Variants in SLC25A21 observed in about 807,000 individuals in gnomAD.
The protein encoded by SLC25A21 is mitochondrial 2-oxodicarboxylate carrier.
Under a neutral mutation model 43.8 loss-of-function variants are expected in SLC25A21, and 47 were observed. The observed-to-expected ratio is 1.07, with a 90% confidence interval of 0.85 to 1.37. SLC25A21 has a LOEUF of 1.37. Among genes scored for constraint, SLC25A21 ranks in the 40% most tolerant of loss-of-function variants. The pLI, the probability that SLC25A21 is intolerant of heterozygous loss-of-function variation, is 0.00. For missense variants in SLC25A21, 352 were observed against 350.2 expected, an observed-to-expected ratio of 1.00 and a Z score of -0.04; for synonymous variants, 131 against 121.3, an observed-to-expected ratio of 1.08 and a Z score of -0.52.
intron 1 of SLC25A21, among the ~76,000 whole-genome samples, chr14:37,115,800 A>C (rs1372939348): frequency 6.6e-6 from 1 of 152,226 alleles, no homozygotes; most frequent in Non-Finnish European, 1.5e-5. Flanking sequence ...TCAAACTAGT[A>C]TAAGATTTCA....
At chr14:36,691,378 G>A (rs771549558) in intron 7 of SLC25A21, among the ~76,000 whole-genome samples, 1 of 152,146 alleles carries the variant, frequency 6.6e-6, no homozygotes, top group African/African-American at 2.4e-5. Context: ...TATAAATTAT[G>A]TAAATGAATA....
At chr14:36,745,829 C>T (rs996791474) in intron 3 of SLC25A21, among the ~76,000 whole-genome samples, 19 of 152,012 alleles carry the variant, frequency 1.2e-4, no homozygotes, top group Non-Finnish European at 2.2e-4. Flanking sequence ...AAGACATACA[C>T]GTGGCCATCA....
At chr14:36,817,338 A>C (rs1475309815) in intron 2 of SLC25A21, among the ~76,000 whole-genome samples, 1 of 152,108 alleles carries the variant, frequency 6.6e-6, no homozygotes, top group Non-Finnish European at 1.5e-5. Flanking sequence ...GGTTTCAGGG[A>C]AGAGAAGGAT....
chr14:36,906,545 C>T (rs922680865), intron 1 of SLC25A21, among the ~76,000 whole-genome samples: 7 of 150,982 alleles, frequency 4.6e-5, no homozygotes, highest in Admixed American at 1.3e-4. Context: ...CTCACTCTGT[C>T]GCCAGGCTAG....
intron 3 of SLC25A21, among the ~76,000 whole-genome samples, chr14:36,737,047 A>G (rs531913070): frequency 1.8e-4 from 28 of 152,328 alleles, no homozygotes; most frequent in African/African-American, 6.0e-4. Flanking sequence ...CAGCAATGGG[A>G]GATACACAGC....
intron 3 of SLC25A21, among the ~76,000 whole-genome samples, chr14:36,776,033 C>A (rs1886808002): frequency 6.6e-6 from 1 of 151,854 alleles, no homozygotes; most frequent in East Asian, 1.9e-4. Context: ...TTCAATAATA[C>A]CTGCTTTTCA....
At position 36,706,689 on chromosome 14, in the gene SLC25A21, C is replaced by G. The variant is rs759596757; in HGVS notation, c.603+4629G>C. Reference sequence around the variant, plus strand: ...CAAAAACCTAGGCATCCTTCTGAACCCCCTACTTTTCTCAACACGCACATA... The same window carrying G: ...CAAAAACCTAGGCATCCTTCTGAACGCCCTACTTTTCTCAACACGCACATA... On this transcript the variant is annotated intron_variant, in intron 7 of 9. Coordinates refer to ENST00000331299, the MANE Select transcript of SLC25A21 (RefSeq NM_030631.4). Among the ~76,000 whole-genome samples, 3 of 152,210 alleles carry G rather than the reference C, an allele frequency of 2.0e-5. No individual in the cohort carries two copies. The South Asian group carries it at 6.2e-4, about 32-fold the overall frequency.
At chr14:37,051,570 G>GA (rs1371200947) in intron 1 of SLC25A21, among the ~76,000 whole-genome samples, 1 of 152,194 alleles carries the variant, frequency 6.6e-6, no homozygotes, top group African/African-American at 2.4e-5. Context: ...TGGGCAATTG[G>GA]AAAAGAGTTT....
intron 1 of SLC25A21, among the ~76,000 whole-genome samples, chr14:37,005,467 T>C (rs1005809257): frequency 6.6e-5 from 10 of 152,342 alleles, no homozygotes; most frequent in African/African-American, 2.4e-4. Context: ...AATTGGACAG[T>C]ACAAAGATAT....
chr14:37,031,721 G>A (rs534566281), intron 1 of SLC25A21, among the ~76,000 whole-genome samples: 11 of 152,160 alleles, frequency 7.2e-5, no homozygotes, highest in African/African-American at 2.6e-4. Context: ...TCAAATTATA[G>A]GATTCTTGAA....
At chr14:37,155,405 G>C (rs942550092) in intron 1 of SLC25A21, among the ~76,000 whole-genome samples, 3 of 152,192 alleles carry the variant, frequency 2.0e-5, no homozygotes, top group African/African-American at 7.2e-5. Context: ...GGAGATGTAA[G>C]TCTAGCAAGA....
chr14:36,825,461 C>T (rs1439314275), intron 2 of SLC25A21, among the ~76,000 whole-genome samples: 1 of 152,106 alleles, frequency 6.6e-6, no homozygotes, highest in African/African-American at 2.4e-5. Context: ...AGTAGCAGGC[C>T]CAACTTGTCC....
intron 1 of SLC25A21, among the ~76,000 whole-genome samples, chr14:37,122,195 A>C (rs982256570): frequency 3.3e-5 from 5 of 152,204 alleles, no homozygotes; most frequent in African/African-American, 1.2e-4. Context: ...CACACTTTGG[A>C]AAATATGCTT....
intron 1 of SLC25A21, among the ~76,000 whole-genome samples, chr14:37,137,631 C>T (rs1393137291): frequency 1.3e-5 from 2 of 152,162 alleles, no homozygotes; most frequent in African/African-American, 4.8e-5. Context: ...TTATACATTA[C>T]TACATTGTAG....
chr14:36,790,742 C>T (rs1208624726), intron 3 of SLC25A21, among the ~76,000 whole-genome samples: 1 of 152,084 alleles, frequency 6.6e-6, no homozygotes, highest in Non-Finnish European at 1.5e-5. Flanking sequence ...TTAGCTGGCA[C>T]ACACAATTGC....
chr14:36,941,078 G>A (rs965503075), intron 1 of SLC25A21, among the ~76,000 whole-genome samples: 14 of 151,864 alleles, frequency 9.2e-5, no homozygotes, highest in Non-Finnish European at 1.9e-4. Context: ...ACATAGGTCC[G>A]GAAAGTTCCT....
At chr14:36,734,301 C>T (rs959818227) in intron 4 of SLC25A21, among the ~76,000 whole-genome samples, 9 of 152,060 alleles carry the variant, frequency 5.9e-5, no homozygotes, top group Non-Finnish European at 1.0e-4. Context: ...GAATGGAATG[C>T]TTTTACCTGA....
intron 1 of SLC25A21, among the ~76,000 whole-genome samples, chr14:36,971,120 G>A (rs997724505): frequency 1.3e-5 from 2 of 152,110 alleles, no homozygotes; most frequent in East Asian, 1.9e-4. Flanking sequence ...TGAACTTTCC[G>A]AGTCCCTTCA....
chr14:37,167,337 T>G (rs1964046426), intron 1 of SLC25A21, among the ~76,000 whole-genome samples: 1 of 152,100 alleles, frequency 6.6e-6, no homozygotes, highest in Admixed American at 6.5e-5. Flanking sequence ...CTTGGGGCCC[T>G]TCCAAAAACG....
Sources: gnomAD v4.1 joint callset for allele counts (sites outside exome capture counted in the v4.1 genomes callset) on GRCh38, gnomAD v4.1.1 for gene constraint, MANE v1.5 for transcripts, NCBI Gene and HGNC (gene_info 2026-07-23, HGNC 2026-07-21) for gene names.